AFAP1: variants seen among roughly 807,000 people sequenced by gnomAD.
AFAP1 encodes actin filament-associated protein 1.
Under a neutral mutation model 93.9 loss-of-function variants are expected in AFAP1, and 75 were observed. That is an observed-to-expected ratio of 0.80 (90% CI 0.66 to 0.97). The LOEUF (loss-of-function observed/expected upper bound fraction) is 0.97, where lower values mean the gene tolerates loss of function less well. Ranked by LOEUF, AFAP1 falls within the 50% of genes least tolerant of loss-of-function variation. The pLI is 0.00. For missense variants in AFAP1, 1,201 were observed against 1,050.8 expected, an observed-to-expected ratio of 1.14 and a Z score of -1.98; for synonymous variants, 517 against 430.7, an observed-to-expected ratio of 1.20 and a Z score of -2.48.
At chr4:7,928,434 C>A (rs558724446) in intron 1 of AFAP1, among the ~76,000 whole-genome samples, 1 of 152,306 alleles carries the variant, frequency 6.6e-6, no homozygotes, top group South Asian at 2.1e-4. Context: ...GTCGCCCAGG[C>A]TGGAGTGCAG....
At chr4:7,934,382 G>A (rs1033653335) in intron 1 of AFAP1, among the ~76,000 whole-genome samples, 4 of 152,170 alleles carry the variant, frequency 2.6e-5, no homozygotes, top group Non-Finnish European at 5.9e-5. Context: ...TGTGAGTCAC[G>A]AGTCCCACTT....
At position 7,799,770 on chromosome 4, in the gene AFAP1, T is replaced by A. The variant is rs1718847358; in HGVS notation, c.1266+672A>T. 2.6e-5 allele frequency among the ~76,000 whole-genome samples: 4 copies of A among 152,322 alleles called. No individual in the cohort carries two copies. In the South Asian group the frequency reaches 6.2e-4, roughly 24 times the overall value. On this transcript the variant is annotated intron_variant, in intron 10 of 17. Transcript: ENST00000420658. ...CAGAATGTTTTCTATGATGAAAAAT[T>A]AAAAACTTTCAATAATGAAAGTTTT...
At chr4:7,904,397 A>G (rs1038624135) in intron 1 of AFAP1, among the ~76,000 whole-genome samples, 1 of 152,192 alleles carries the variant, frequency 6.6e-6, no homozygotes. Flanking sequence ...GTTCCTTCCA[A>G]TACCATGAGT....
intron 9 of AFAP1, among the ~76,000 whole-genome samples, chr4:7,807,380 G>T (rs962076992): frequency 6.6e-6 from 1 of 152,224 alleles, no homozygotes; most frequent in Non-Finnish European, 1.5e-5. Flanking sequence ...GCAGAGGTCA[G>T]CGGGCCCAGC....
chr4:7,882,957 G>C (rs1449652590), intron 1 of AFAP1, among the ~76,000 whole-genome samples: 2 of 152,092 alleles, frequency 1.3e-5, no homozygotes, highest in Non-Finnish European at 2.9e-5. Flanking sequence ...GGCCTAGTCA[G>C]GCAGATTGCT....
chr4:7,777,615 G>C (rs1437069850), intron 14 of AFAP1: 1 of 152,216 alleles, frequency 6.6e-6, no homozygotes, highest in Non-Finnish European at 1.5e-5. Context: ...CCTCATCTTC[G>C]TTAGCACTGA....
At chr4:7,856,823 G>A (rs994975992) in intron 3 of AFAP1, among the ~76,000 whole-genome samples, 2 of 152,116 alleles carry the variant, frequency 1.3e-5, no homozygotes, top group Admixed American at 1.3e-4. Flanking sequence ...GCCAGCATTC[G>A]CCCAGCATCT....
intron 1 of AFAP1, among the ~76,000 whole-genome samples, chr4:7,902,732 G>A (rs1719186042): frequency 6.6e-6 from 1 of 152,210 alleles, no homozygotes; most frequent in Non-Finnish European, 1.5e-5. Context: ...CGGGGAAGAT[G>A]GCTTTAGCAG....
At chr4:7,791,832 A>G (rs912107069) in intron 11 of AFAP1, among the ~76,000 whole-genome samples, 4 of 135,158 alleles carry the variant, frequency 3.0e-5, no homozygotes, top group African/African-American at 1.2e-4. Flanking sequence ...CAGCCTGGGC[A>G]ACCCTTAATC....
At chr4:7,856,374 C>T (rs967854471) in intron 3 of AFAP1, among the ~76,000 whole-genome samples, 4 of 151,958 alleles carry the variant, frequency 2.6e-5, no homozygotes, top group South Asian at 2.1e-4. Context: ...TCCCAAGTAA[C>T]TGGGACTACA....
Position 7,763,701 on chromosome 4 carries a change from A to G in AFAP1, c.*64T>C. ...ACTCTGGGCAGAGCTTCCTGCCGTCACACAGATGAGGATACAGGCAAGGGG... is the reference window on the plus strand; with the variant it reads ...ACTCTGGGCAGAGCTTCCTGCCGTCGCACAGATGAGGATACAGGCAAGGGG... On this transcript the variant is annotated 3_prime_UTR_variant, in exon 18 of 18. Transcript: ENST00000420658. 3 of 1,546,404 alleles carry G rather than the reference A, an allele frequency of 1.9e-6. No individual in the cohort carries two copies. The highest frequency in any genetic ancestry group is 2.6e-6 in the Non-Finnish European group (3 of 1,142,382).
intron 1 of AFAP1, among the ~76,000 whole-genome samples, chr4:7,916,950 T>C (rs1286459715): frequency 6.6e-6 from 1 of 152,224 alleles, no homozygotes; most frequent in Non-Finnish European, 1.5e-5. Flanking sequence ...GAATGCACTA[T>C]TTCTTGAAAT....
Position 7,760,729 on chromosome 4 carries a change from G to C in AFAP1, c.*3036C>G, listed in dbSNP as rs988961275. The C allele has an allele frequency of 6.6e-6, 1 of 152,278 alleles. No homozygotes were observed. The highest frequency in any genetic ancestry group is 2.1e-4 in the South Asian group (1 of 4,836). The allele number at this position is 152,278 out of a possible 1,614,324, so 9.4% of individuals were successfully genotyped here. A position where few individuals can be genotyped will look rare whatever the true frequency, so the allele number is the denominator to read the frequency against. ...GCTGATGACACCTTAACAAAATAGA[G>C]CCAGGAGCAGAGCCCTGAAGAGTGA... is the stretch of plus-strand genomic sequence containing the variant. On this transcript the variant is annotated 3_prime_UTR_variant, in exon 18 of 18. Coordinates refer to ENST00000420658, the MANE Select transcript of AFAP1 (RefSeq NM_001134647.2).
intron 1 of AFAP1, among the ~76,000 whole-genome samples, chr4:7,909,466 C>G (rs756439810): frequency 6.6e-6 from 1 of 152,198 alleles, no homozygotes; most frequent in African/African-American, 2.4e-5. Context: ...ACTAGACTTA[C>G]TCTGGTTCTG....
At chr4:7,870,889 T>A (rs1716962828) in intron 2 of AFAP1, among the ~76,000 whole-genome samples, 1 of 152,174 alleles carries the variant, frequency 6.6e-6, no homozygotes, top group African/African-American at 2.4e-5. Flanking sequence ...TGTAAAAGTA[T>A]AAATGAACTG....
In AFAP1 at chr4:7,834,134, T is replaced by TATATAC. The variant is rs143728621; in HGVS notation, c.726+4389_726+4390insGTATAT. On this transcript the variant is annotated intron_variant, in intron 6 of 17. Coordinates refer to ENST00000420658, the MANE Select transcript of AFAP1 (RefSeq NM_001134647.2). ...ACACACACACACACACACACATATATACAATGGAATACTACTCAGCCATAA... is the reference window on the plus strand; with the variant it reads ...ACACACACACACACACACACATATATATATACACAATGGAATACTACTCAGCCATAA... Among the ~76,000 whole-genome samples, 731 of 97,856 alleles carry TATATAC rather than the reference T, an allele frequency of 7.5e-3. 4 individuals are homozygous for TATATAC. Among genetic ancestry groups the TATATAC allele is most frequent in the African/African-American group, 0.022 (668 of 29,762 alleles). The allele number at this position is 97,856 out of a possible 152,430, so 64.2% of individuals were successfully genotyped here. A position where few individuals can be genotyped will look rare whatever the true frequency, so the allele number is the denominator to read the frequency against.
rs116737825 is a variant in AFAP1 at position 7,769,847 on chromosome 4, A to G, written c.2254-839T>C. On this transcript the variant is annotated intron_variant, in intron 16 of 17. Coordinates refer to ENST00000420658, the MANE Select transcript of AFAP1 (RefSeq NM_001134647.2). ...TCCCCTGTGGGCTTTACTGGCCACA[A>G]TCCCCAGGCAGCCAACTTGACCTAT... 2.9e-3 allele frequency among the ~76,000 whole-genome samples: 447 copies of G among 152,384 alleles called. 1 individual carries two copies. The highest frequency in any genetic ancestry group is 0.01 in the Middle Eastern group (3 of 294).
intron 1 of AFAP1, among the ~76,000 whole-genome samples, chr4:7,912,693 G>A (rs1456988710): frequency 1.3e-5 from 2 of 152,154 alleles, no homozygotes; most frequent in African/African-American, 2.4e-5. Context: ...TATCAGACAT[G>A]TGGCTTGCAA....
chr4:7,887,005 C>T (rs1200758637), intron 1 of AFAP1, among the ~76,000 whole-genome samples: 1 of 152,140 alleles, frequency 6.6e-6, no homozygotes, highest in Non-Finnish European at 1.5e-5. Flanking sequence ...GAACAGCAGA[C>T]ACATACCTGG....
Sources: gnomAD v4.1 joint callset for allele counts (sites outside exome capture counted in the v4.1 genomes callset) on GRCh38, gnomAD v4.1.1 for gene constraint, MANE v1.5 for transcripts, NCBI Gene and HGNC (gene_info 2026-07-23, HGNC 2026-07-21) for gene names.